The following FZD3 variants were observed in gnomAD, a reference collection of about 807,000 sequenced individuals.
FZD3 encodes the protein frizzled-3.
A neutral mutation model predicts 60.7 loss-of-function variants in FZD3; 30 were observed. That is an observed-to-expected ratio of 0.49 (90% CI 0.37 to 0.67). The LOEUF (loss-of-function observed/expected upper bound fraction) is 0.67, where lower values mean the gene tolerates loss of function less well. Ranked by LOEUF, FZD3 falls within the 30% of genes least tolerant of loss-of-function variation. FZD3 has a pLI of 0.00. For synonymous variants in FZD3, 246 were observed against 275.2 expected, an observed-to-expected ratio of 0.89 and a Z score of 1.05; for missense variants, 605 against 838.7, an observed-to-expected ratio of 0.72 and a Z score of 3.44.
chr8:28,569,900 T>C lies in FZD3; in HGVS notation c.*6889T>C, dbSNP rs1229455161. On this transcript the variant is annotated 3_prime_UTR_variant, in exon 8 of 8. Transcript: ENST00000240093. ...CAAAATGTATTCAAGATCAAATTAG[T>C]GAACAAAGCAATGGTTCGTATGGCT... The C allele has an allele frequency of 6.6e-6, 1 of 152,176 alleles. No individual in the cohort carries two copies. The highest frequency in any genetic ancestry group is 1.5e-5 in the Non-Finnish European group (1 of 68,010). 9.4% of individuals were successfully genotyped at this position (152,176 alleles called of 1,614,324 possible).
chr8:28,549,551 A>G (rs1032901845), intron 5 of FZD3, among the ~76,000 whole-genome samples: 4 of 152,060 alleles, frequency 2.6e-5, no homozygotes, highest in African/African-American at 9.7e-5. Flanking sequence ...TAGTTTTTAT[A>G]AGCTTTATTT....
At chr8:28,525,513 C>G (rs754323901) in intron 4 of FZD3, among the ~76,000 whole-genome samples, 3 of 152,034 alleles carry the variant, frequency 2.0e-5, no homozygotes, top group Non-Finnish European at 4.4e-5. Context: ...AGTACAGAGA[C>G]TCTGAAGTGG....
chr8:28,502,435 T>TA (rs1434643313), intron 2 of FZD3, among the ~76,000 whole-genome samples: 2 of 152,224 alleles, frequency 1.3e-5, no homozygotes, highest in African/African-American at 4.8e-5. Context: ...CCATGTGTTA[T>TA]ATAAGCAACT....
At chr8:28,543,625 C>T (rs1448965018) in intron 5 of FZD3, among the ~76,000 whole-genome samples, 2 of 152,038 alleles carry the variant, frequency 1.3e-5, no homozygotes, top group Admixed American at 6.5e-5. Flanking sequence ...AAGTGATGTG[C>T]TCGCCTTGGC....
intron 5 of FZD3, among the ~76,000 whole-genome samples, chr8:28,546,516 C>T (rs1183990805): frequency 1.3e-5 from 2 of 152,068 alleles, no homozygotes; most frequent in East Asian, 1.9e-4. Flanking sequence ...TATTGTTGAC[C>T]TGTTATTTCT....
At chr8:28,532,522 GCTCGAGTGATC>G (rs1321978845) in intron 5 of FZD3, among the ~76,000 whole-genome samples, 1 of 151,896 alleles carries the variant, frequency 6.6e-6, no homozygotes, top group Non-Finnish European at 1.5e-5. Flanking sequence ...GAACTCCCAG[GCTCGAGTGATC>G]CTCCTGCCTC....
intron 3 of FZD3, among the ~76,000 whole-genome samples, chr8:28,509,938 G>C (rs1804239965): frequency 6.6e-6 from 1 of 151,988 alleles, no homozygotes; most frequent in South Asian, 2.1e-4. Flanking sequence ...AATTATTTGG[G>C]GTTTGTAGTC....
intron 3 of FZD3, among the ~76,000 whole-genome samples, chr8:28,506,727 A>G (rs1003884944): frequency 1.3e-5 from 2 of 152,164 alleles, no homozygotes; most frequent in African/African-American, 4.8e-5. Context: ...CTGGCAGTGA[A>G]ATAATCCTAG....
At chr8:28,540,529 T>A (rs1005301315) in intron 5 of FZD3, among the ~76,000 whole-genome samples, 1 of 152,018 alleles carries the variant, frequency 6.6e-6, no homozygotes, top group African/African-American at 2.4e-5. Context: ...CAATTGCAAA[T>A]GTGATATAAC....
At position 28,563,210 on chromosome 8, in the gene FZD3, C is replaced by T; in HGVS notation, c.*199C>T. 1.8e-6 allele frequency: 1 copy of T among 547,574 alleles called. No homozygotes were observed. Among genetic ancestry groups the T allele is most frequent in the Non-Finnish European group, 3.3e-6 (1 of 303,764 alleles). 33.9% of individuals were successfully genotyped at this position (547,574 alleles called of 1,614,324 possible). On this transcript the variant is annotated 3_prime_UTR_variant, in exon 8 of 8. Coordinates refer to ENST00000240093, the MANE Select transcript of FZD3 (RefSeq NM_017412.4). Reference sequence around the variant, plus strand: ...CAAGGCATCCAAAACACTAAGAATTCTATCATCACAAAAATAATTCGTCTT... The same window carrying T: ...CAAGGCATCCAAAACACTAAGAATTTTATCATCACAAAAATAATTCGTCTT...
At chr8:28,536,659 A>C (rs1196828779) in intron 5 of FZD3, among the ~76,000 whole-genome samples, 3 of 152,196 alleles carry the variant, frequency 2.0e-5, no homozygotes, top group Non-Finnish European at 4.4e-5. Flanking sequence ...CAGTGAGCCA[A>C]GTTTGTATCA....
At chr8:28,515,617 C>A (rs957485053) in intron 3 of FZD3, among the ~76,000 whole-genome samples, 1 of 152,200 alleles carries the variant, frequency 6.6e-6, no homozygotes, top group African/African-American at 2.4e-5. Context: ...CGCATTCCTT[C>A]CTTACCAGTC....
At chr8:28,532,201 T>C (rs1328741847) in intron 5 of FZD3, among the ~76,000 whole-genome samples, 1 of 152,088 alleles carries the variant, frequency 6.6e-6, no homozygotes, top group Admixed American at 6.6e-5. Context: ...TACCTTGTTC[T>C]TCTTCTTCAA....
At chr8:28,515,623 C>T (rs559950338) in intron 3 of FZD3, among the ~76,000 whole-genome samples, 3 of 152,300 alleles carry the variant, frequency 2.0e-5, no homozygotes, top group Non-Finnish European at 2.9e-5. Flanking sequence ...CCTTCCTTAC[C>T]AGTCTAGCCT....
chr8:28,506,700 A>G (rs1408052894), intron 3 of FZD3, among the ~76,000 whole-genome samples: 2 of 152,180 alleles, frequency 1.3e-5, no homozygotes, highest in African/African-American at 4.8e-5. Flanking sequence ...GTTTTCTTAT[A>G]ATGGGAGCAT....
At chr8:28,551,038 C>T (rs780699769) in intron 5 of FZD3, among the ~76,000 whole-genome samples, 10 of 152,052 alleles carry the variant, frequency 6.6e-5, no homozygotes, top group Non-Finnish European at 1.5e-4. Context: ...TCCATTCTTC[C>T]CTATTTTAGA....
At chr8:28,508,501 A>G (rs1585949430) in intron 3 of FZD3, among the ~76,000 whole-genome samples, 1 of 146,382 alleles carries the variant, frequency 6.8e-6, no homozygotes, top group African/African-American at 2.5e-5. Flanking sequence ...GTAATATTGC[A>G]GGGTGTTGTT....
Position 28,527,956 on chromosome 8 carries a change from G to A in FZD3, c.1196G>A (p.Arg399Lys). ...TTAGCTGGCATTATATCCCTAAACA[G>A]AGTTCGAATTGAGATTCCATTAGAA... ...LLLAGIISLN[R>K]VRIEIPLEKE... Residue 399 changes from arginine (R) to lysine (K), a missense_variant, in exon 5 of 8, where the codon AGA becomes AAA. Transcript: ENST00000240093. The surrounding 1 kb of genome is among the most constrained non-coding windows in gnomAD (Gnocchi z 5.0). 1.2e-6 allele frequency: 2 copies of A among 1,613,890 alleles called. No homozygotes were observed. Among genetic ancestry groups the A allele is most frequent in the Non-Finnish European group, 1.7e-6 (2 of 1,179,810 alleles).
intron 5 of FZD3, among the ~76,000 whole-genome samples, chr8:28,549,899 A>G (rs754492842): frequency 2.4e-4 from 36 of 152,144 alleles, no homozygotes; most frequent in Non-Finnish European, 4.3e-4. Flanking sequence ...CCATCTTTGC[A>G]TTCCCCTGTT....
Sources: allele counts gnomAD v4.1 joint callset (sites outside exome capture counted in the v4.1 genomes callset), GRCh38; gene constraint gnomAD v4.1.1; non-coding constraint Gnocchi (gnomAD v3.1); transcripts MANE v1.5; gene names NCBI Gene and HGNC (gene_info 2026-07-23, HGNC 2026-07-21).